The following AP1S3 variants were observed in gnomAD, a reference collection of about 807,000 sequenced individuals.
AP1S3 encodes adaptor related protein complex 1 subunit sigma 3, also known as AP-1 complex subunit sigma-3.
A neutral mutation model predicts 20.9 loss-of-function variants in AP1S3; 10 were observed. That is an observed-to-expected ratio of 0.48 (90% CI 0.29 to 0.81). AP1S3 has a LOEUF of 0.81. AP1S3 is among the 30% of genes least tolerant of loss of function. AP1S3 has a pLI of 0.08. For missense variants in AP1S3, 154 were observed against 183.8 expected, an observed-to-expected ratio of 0.84 and a Z score of 0.94; for synonymous variants, 41 against 61.5, an observed-to-expected ratio of 0.67 and a Z score of 1.56.
intron 1 of AP1S3, among the ~76,000 whole-genome samples, chr2:223,789,298 A>G (rs977074677): frequency 7.9e-5 from 12 of 152,124 alleles, no homozygotes; most frequent in African/African-American, 2.9e-4. Flanking sequence ...AAAAAGAGAT[A>G]AGAAAAAGTT....
At chr2:223,769,736 A>ATTTTTTT (rs61207667) in intron 3 of AP1S3, among the ~76,000 whole-genome samples, 5 of 80,122 alleles carry the variant, frequency 6.2e-5, no homozygotes, top group Non-Finnish European at 8.9e-5. Context: ...ATGCAATCCC[A>ATTTTTTT]TTTTTTTTTT....
chr2:223,776,106 G>A (rs556440554), intron 2 of AP1S3, 97 bp from the exon 3 acceptor site: 186 of 822,256 alleles, frequency 2.3e-4, no homozygotes, highest in Non-Finnish European at 3.2e-4. Flanking sequence ...CTCCCCCGCC[G>A]AGCCTCTCCT....
chr2:223,811,298 T>G (rs1691719936), intron 1 of AP1S3, among the ~76,000 whole-genome samples: 1 of 152,100 alleles, frequency 6.6e-6, no homozygotes, highest in Non-Finnish European at 1.5e-5. Context: ...CCAGGCACGG[T>G]GGCTCATGCC....
chr2:223,793,942 C>A (rs1691275622), intron 1 of AP1S3, among the ~76,000 whole-genome samples: 1 of 152,002 alleles, frequency 6.6e-6, no homozygotes, highest in African/African-American at 2.4e-5. Flanking sequence ...CTGTGCCCAG[C>A]CTACAATTTT....
intron 1 of AP1S3, among the ~76,000 whole-genome samples, chr2:223,788,820 C>CCCT (rs1195237829): frequency 6.6e-6 from 1 of 151,332 alleles, no homozygotes; most frequent in Non-Finnish European, 1.5e-5. Context: ...ATGCCTGCCA[C>CCCT]CCTCCTGGAT....
At chr2:223,758,860 G>T in intron 4 of AP1S3, 110 bp from the exon 5 acceptor site, 1 of 941,934 alleles carries the variant, frequency 1.1e-6, no homozygotes, top group South Asian at 1.9e-5. Flanking sequence ...AAAACAAGTT[G>T]TCAAAAGGAT....
At chr2:223,810,856 T>A (rs1028655153) in intron 1 of AP1S3, among the ~76,000 whole-genome samples, 2 of 152,188 alleles carry the variant, frequency 1.3e-5, no homozygotes, top group Admixed American at 1.3e-4. Flanking sequence ...TATTAAAAGA[T>A]TCCTCTCTTA....
At chr2:223,769,104 G>T (rs1431590358) in intron 3 of AP1S3, among the ~76,000 whole-genome samples, 1 of 152,146 alleles carries the variant, frequency 6.6e-6, no homozygotes, top group African/African-American at 2.4e-5. Flanking sequence ...CATACTGGGG[G>T]TATATCACAG....
intron 3 of AP1S3, among the ~76,000 whole-genome samples, chr2:223,766,603 G>A (rs1334543876): frequency 6.6e-6 from 1 of 152,210 alleles, no homozygotes; most frequent in Non-Finnish European, 1.5e-5. Flanking sequence ...TTACACTGTT[G>A]GTGGGAGTGT....
chr2:223,781,695 C>T (rs983830963), intron 1 of AP1S3, among the ~76,000 whole-genome samples: 2 of 152,094 alleles, frequency 1.3e-5, no homozygotes, highest in Non-Finnish European at 2.9e-5. Context: ...GACTGACACT[C>T]TACGAGCATA....
intron 3 of AP1S3, among the ~76,000 whole-genome samples, chr2:223,769,830 G>GC (rs1023030924): frequency 3.2e-5 from 4 of 126,390 alleles, no homozygotes; most frequent in Admixed American, 1.0e-4. Context: ...TGAAGGCTCC[G>GC]CCCCCCGGGG....
intron 3 of AP1S3, chr2:223,770,356 A>C: frequency 1.3e-6 from 2 of 1,549,084 alleles, no homozygotes; most frequent in Non-Finnish European, 1.7e-6. Flanking sequence ...ATACTAATGA[A>C]AATTCTCCAG....
Position 223,756,988 on chromosome 2 carries a change from CTT to C in AP1S3, c.*1725_*1726del, listed in dbSNP as rs531434125. The C allele has an allele frequency of 1.2e-3, 1,147 of 924,434 alleles. No individual in the cohort carries two copies. Among genetic ancestry groups the C allele is most frequent in the East Asian group, 3.2e-3 (26 of 8,238 alleles). The allele number at this position is 924,434 out of a possible 1,614,324, so 57.3% of individuals were successfully genotyped here. A position where few individuals can be genotyped will look rare whatever the true frequency, so the allele number is the denominator to read the frequency against. The stretch of plus-strand genomic sequence containing the variant: ...AGAATACTACAAGCTTTTACTTTTT[CTT>C]TTTTTTTTTTTTTTTCTTGAGACGC... On this transcript the variant is annotated 3_prime_UTR_variant, in exon 5 of 5. Coordinates refer to ENST00000396654, the MANE Select transcript of AP1S3 (RefSeq NM_001039569.2).
At chr2:223,788,762 TAA>T (rs778744960) in intron 1 of AP1S3, among the ~76,000 whole-genome samples, 21 of 110,124 alleles carry the variant, frequency 1.9e-4, no homozygotes, top group Admixed American at 2.8e-4. Flanking sequence ...AGACTCTGTC[TAA>T]AAAAAAAAAA....
intron 3 of AP1S3, 96 bp from the exon 4 acceptor site, chr2:223,765,446 G>A (rs193142483): frequency 7.6e-7 from 1 of 1,309,584 alleles, no homozygotes. Context: ...CACTCATGTG[G>A]CGTACCAAAA....
intron 1 of AP1S3, among the ~76,000 whole-genome samples, chr2:223,781,507 A>C (rs1690945755): frequency 6.6e-6 from 1 of 152,100 alleles, no homozygotes; most frequent in African/African-American, 2.4e-5. Flanking sequence ...AGGCTGAGGA[A>C]GGAGGATTGC....
chr2:223,803,882 A>AC (rs1382613611), intron 1 of AP1S3, among the ~76,000 whole-genome samples: 7 of 151,120 alleles, frequency 4.6e-5, no homozygotes, highest in Non-Finnish European at 1.0e-4. Context: ...TCCGTCTCAA[A>AC]AAAAAAAAAA....
rs1690226526 is a variant in AP1S3 at position 223,756,512 on chromosome 2, T to G, written c.*2203A>C. 1 of 981,950 alleles carries G rather than the reference T, an allele frequency of 1.0e-6. No homozygotes were observed. Among genetic ancestry groups the G allele is most frequent in the Non-Finnish European group, 1.2e-6 (1 of 828,862 alleles). The allele number at this position is 981,950 out of a possible 1,614,324, so 60.8% of individuals were successfully genotyped here. ...AAAGAAAGAAAAAATTCTAACACAT[T>G]AAAAAGTTAAACCACAAAACTGAAG... On this transcript the variant is annotated 3_prime_UTR_variant, in exon 5 of 5. Coordinates refer to ENST00000396654, the MANE Select transcript of AP1S3 (RefSeq NM_001039569.2).
chr2:223,755,935 G>C lies in AP1S3; in HGVS notation c.*2780C>G. The C allele has an allele frequency of 1.0e-6, 1 of 985,426 alleles. No individual in the cohort carries two copies. Among genetic ancestry groups the C allele is most frequent in the Non-Finnish European group, 1.2e-6 (1 of 829,930 alleles). The allele number at this position is 985,426 out of a possible 1,614,324, so 61.0% of individuals were successfully genotyped here. ...TATCCAGAACATGTGTAGTATATTT[G>C]AATGAGGTTCAAGAGATACCTTTAT... On this transcript the variant is annotated 3_prime_UTR_variant, in exon 5 of 5. Transcript: ENST00000396654.
Sources: allele counts gnomAD v4.1 joint callset (sites outside exome capture counted in the v4.1 genomes callset), GRCh38; gene constraint gnomAD v4.1.1; transcripts MANE v1.5; gene names NCBI Gene and HGNC (gene_info 2026-07-23, HGNC 2026-07-21).